The following DLGAP1 variants were observed in gnomAD, a reference collection of about 807,000 sequenced individuals.
DLGAP1 encodes DLG associated protein 1.
In DLGAP1, 11 loss-of-function variants were observed where a neutral mutation model predicts 90.8. The observed-to-expected ratio is 0.12, with a 90% CI of 0.08 to 0.20. The LOEUF is 0.20. Ranked by LOEUF, DLGAP1 falls within the 10% of genes least tolerant of loss-of-function variation. The pLI, the probability that DLGAP1 is intolerant of heterozygous loss-of-function variation, is 1.00. For synonymous variants in DLGAP1, 558 were observed against 540.7 expected, an observed-to-expected ratio of 1.03 and a Z score of -0.44; for missense variants, 1,050 against 1,333.8, an observed-to-expected ratio of 0.79 and a Z score of 3.31.
chr18:4,151,106 G>A (rs1436820412), intron 2 of DLGAP1, 74 bp downstream of exon 2: 1 of 152,146 alleles, frequency 6.6e-6, no homozygotes, highest in Non-Finnish European at 1.5e-5. Context: ...GTTTCATATA[G>A]GATAGCTGAA....
At chr18:4,049,788 G>T (rs2075106011) in intron 2 of DLGAP1, among the ~76,000 whole-genome samples, 1 of 151,966 alleles carries the variant, frequency 6.6e-6, no homozygotes, top group African/African-American at 2.4e-5. Flanking sequence ...CATCATAATT[G>T]CCTCTGGGAT....
intron 5 of DLGAP1, among the ~76,000 whole-genome samples, chr18:3,758,701 T>C (rs1018156614): frequency 3.7e-4 from 57 of 152,184 alleles, no homozygotes; most frequent in Non-Finnish European, 1.0e-4. Context: ...CTCCATAACA[T>C]CCAGCATAAG....
intron 2 of DLGAP1, among the ~76,000 whole-genome samples, chr18:4,125,926 C>T (rs1051642042): frequency 1.3e-5 from 2 of 152,106 alleles, no homozygotes; most frequent in African/African-American, 2.4e-5. Context: ...GCCACAGGAA[C>T]AGGGAATCAC....
At chr18:3,604,983 CG>C (rs1257866894) in intron 7 of DLGAP1, among the ~76,000 whole-genome samples, 1 of 152,148 alleles carries the variant, frequency 6.6e-6, no homozygotes, top group Non-Finnish European at 1.5e-5. Flanking sequence ...TGGAGAAATA[CG>C]TTTCTACTTA....
At chr18:4,294,799 A>G (rs781558389) in intron 1 of DLGAP1, 11 of 152,284 alleles carry the variant, frequency 7.2e-5, no homozygotes, top group Non-Finnish European at 1.5e-4. Context: ...TGGGGGTTTT[A>G]TTGAGTGGTG....
In DLGAP1 at chr18:3,522,030, A is replaced by G. The variant is rs560349130; in HGVS notation, c.2479+12164T>C. ...TTGTAGTGACTAGCCTGGAAAAGTC[A>G]CACCATCTAGGATAAGTTGAGTTGT... On this transcript the variant is annotated intron_variant, in intron 10 of 12. Transcript: ENST00000315677. Among the ~76,000 whole-genome samples the G allele has an allele frequency of 2.6e-3, 391 of 151,600 alleles. 3 individuals are homozygous for G. The highest frequency in any genetic ancestry group is 4.0e-3 in the Non-Finnish European group (271 of 67,964).
At chr18:4,396,665 T>C (rs565257412) in intron 1 of DLGAP1, among the ~76,000 whole-genome samples, 1 of 152,152 alleles carries the variant, frequency 6.6e-6, no homozygotes. Flanking sequence ...AAACTCATGC[T>C]AGGGCTTGGG....
intron 1 of DLGAP1, among the ~76,000 whole-genome samples, chr18:4,246,440 G>A (rs1402629): frequency 3.9e-5 from 6 of 151,958 alleles, no homozygotes; most frequent in African/African-American, 1.5e-4. Context: ...CATCAATCTG[G>A]GATATGGTCA....
intron 1 of DLGAP1, among the ~76,000 whole-genome samples, chr18:4,255,616 T>C (rs1201666232): frequency 6.6e-6 from 1 of 151,926 alleles, no homozygotes; most frequent in East Asian, 1.9e-4. Context: ...GCACCACCAA[T>C]GAAACCCCGC....
At chr18:4,200,086 C>T (rs10445453) in intron 1 of DLGAP1, among the ~76,000 whole-genome samples, 151,488 of 152,276 alleles carry the variant, frequency 0.99, 75,354 homozygotes, top group Middle Eastern at 1. Flanking sequence ...GTCTAGTCTG[C>T]TACAATTGGA....
intron 7 of DLGAP1, among the ~76,000 whole-genome samples, chr18:3,659,077 C>T (rs2059593370): frequency 2.0e-5 from 3 of 152,212 alleles, no homozygotes; most frequent in African/African-American, 7.2e-5. Flanking sequence ...AACCCCAAGT[C>T]AAATTATTCT....
At position 4,121,085 on chromosome 18, in the gene DLGAP1, C is replaced by T. The variant is rs73943846; in HGVS notation, c.-159+30095G>A. 1.7e-3 allele frequency among the ~76,000 whole-genome samples: 255 copies of T among 152,210 alleles called. 1 individual carries two copies. Among genetic ancestry groups the T allele is most frequent in the African/African-American group, 6.0e-3 (249 of 41,518 alleles). On this transcript the variant is annotated intron_variant, in intron 2 of 12. Coordinates refer to ENST00000315677, the MANE Select transcript of DLGAP1 (RefSeq NM_004746.4). Reference sequence around the variant, plus strand: ...CACTGGTTCACGTGACAGAACTTGTCTAGAGTGGGGGTGCAAGTTGGGGTG... The same window carrying T: ...CACTGGTTCACGTGACAGAACTTGTTTAGAGTGGGGGTGCAAGTTGGGGTG...
At chr18:3,639,755 C>CTTTTTTTTTTTTTTTTT (rs58862252) in intron 7 of DLGAP1, among the ~76,000 whole-genome samples, 1 of 118,332 alleles carries the variant, frequency 8.5e-6, no homozygotes, top group African/African-American at 3.6e-5. Context: ...GCAGAGTTGC[C>CTTTTTTTTTTTTTTTTT]TTTTTTTTTT....
At chr18:3,652,036 C>T (rs1226745595) in intron 7 of DLGAP1, among the ~76,000 whole-genome samples, 6 of 151,528 alleles carry the variant, frequency 4.0e-5, no homozygotes, top group African/African-American at 7.3e-5. Flanking sequence ...TGGTGGCGCG[C>T]GCCTGTAGTT....
In DLGAP1 at chr18:3,580,621, C is replaced by T. The variant is rs565015027; in HGVS notation, c.1965+1254G>A. ...GAGAGAATGGACTGGAAGAATGTGC[C>T]GGTGAGCCTTTGTCGGCTGACCCAG... On this transcript the variant is annotated intron_variant, in intron 8 of 12. Transcript: ENST00000315677. The T allele has an allele frequency of 3.2e-5, 51 of 1,591,656 alleles. 1 individual carries two copies. In the Admixed American group the frequency reaches 4.5e-4, roughly 14 times the overall value.
chr18:3,728,155 T>C (rs568735311), intron 7 of DLGAP1, among the ~76,000 whole-genome samples: 1 of 152,196 alleles, frequency 6.6e-6, no homozygotes, highest in South Asian at 2.1e-4. Flanking sequence ...ACACAGGCTT[T>C]TCTTTCCAAT....
rs2082057851 is a variant in DLGAP1, at chr18:4,378,507, T to C, written c.-267+76499A>G. ...TTATTGGTAAGTAGGTTTGATACCT[T>C]GAGACGAAATATCAAGATTTATCTT... On this transcript the variant is annotated intron_variant, in intron 1 of 12. Coordinates refer to ENST00000315677, the MANE Select transcript of DLGAP1 (RefSeq NM_004746.4). The surrounding 1 kb of genome is among the most constrained non-coding windows in gnomAD (Gnocchi z 4.5). Among the ~76,000 whole-genome samples the C allele has an allele frequency of 6.6e-6, 1 of 152,140 alleles. No individual in the cohort carries two copies. The highest frequency in any genetic ancestry group is 1.5e-5 in the Non-Finnish European group (1 of 68,008).
intron 4 of DLGAP1, among the ~76,000 whole-genome samples, chr18:3,849,580 A>G (rs1282061594): frequency 1.3e-5 from 2 of 152,070 alleles, no homozygotes; most frequent in African/African-American, 2.4e-5. Context: ...ATTTCTCCCA[A>G]TGAAGAAAGG....
intron 1 of DLGAP1, among the ~76,000 whole-genome samples, chr18:4,219,931 T>C (rs1279310357): frequency 1.3e-5 from 2 of 152,128 alleles, no homozygotes; most frequent in African/African-American, 4.8e-5. Context: ...CCAGCTTTGT[T>C]CTTTTTGCTC....
Sources: allele counts gnomAD v4.1 joint callset (sites outside exome capture counted in the v4.1 genomes callset), GRCh38; gene constraint gnomAD v4.1.1; non-coding constraint Gnocchi (gnomAD v3.1); transcripts MANE v1.5; gene names NCBI Gene and HGNC (gene_info 2026-07-23, HGNC 2026-07-21).